Variants in RUNX1 observed in about 807,000 individuals in gnomAD.
The protein encoded by RUNX1 is runt-related transcription factor 1.
In RUNX1, 19 loss-of-function variants were observed where a neutral mutation model predicts 42.8. The ratio of observed to expected loss-of-function variants is 0.44; its 90% CI spans 0.31 to 0.65. The LOEUF (loss-of-function observed/expected upper bound fraction) is 0.65. Among genes scored for constraint, RUNX1 ranks in the 30% least tolerant of loss-of-function variants. The pLI, the probability that RUNX1 is intolerant of heterozygous loss-of-function variation, is 0.07. For synonymous variants in RUNX1, 271 were observed against 289.4 expected, an observed-to-expected ratio of 0.94 and a Z score of 0.64; for missense variants, 528 against 672.0, an observed-to-expected ratio of 0.79 and a Z score of 2.37.
chr21:34,993,774 CACAG>C (rs1448353575), intron 2 of RUNX1, among the ~76,000 whole-genome samples: 1 of 136,476 alleles, frequency 7.3e-6, no homozygotes, highest in Non-Finnish European at 1.5e-5. Context: ...GGCGCACACA[CACAG>C]ACACACACAC....
intron 2 of RUNX1, among the ~76,000 whole-genome samples, chr21:34,896,507 AC>A (rs2058131402): frequency 6.6e-6 from 1 of 152,086 alleles, no homozygotes; most frequent in African/African-American, 2.4e-5. Flanking sequence ...ACATGGTAAA[AC>A]CCTGTCTCTA....
chr21:34,858,160 A>G (rs773219066), intron 6 of RUNX1, among the ~76,000 whole-genome samples: 5 of 152,214 alleles, frequency 3.3e-5, no homozygotes, highest in Non-Finnish European at 7.3e-5. Flanking sequence ...AAGTTGATGC[A>G]GCTTGGGGAA....
intron 2 of RUNX1, among the ~76,000 whole-genome samples, chr21:35,040,580 TG>T: frequency 6.6e-6 from 1 of 151,940 alleles, no homozygotes; most frequent in East Asian, 1.9e-4. Context: ...GAAACCATCC[TG>T]GCCAACATGG....
chr21:34,897,353 T>G (rs2058138928), intron 2 of RUNX1, among the ~76,000 whole-genome samples: 1 of 152,232 alleles, frequency 6.6e-6, no homozygotes, highest in Non-Finnish European at 1.5e-5. Context: ...CAGATTAGTC[T>G]CCTGCACCAT....
At chr21:34,803,926 G>A (rs1439052220) in intron 7 of RUNX1, among the ~76,000 whole-genome samples, 2 of 152,172 alleles carry the variant, frequency 1.3e-5, no homozygotes, top group African/African-American at 4.8e-5. Context: ...AGAATGTCCT[G>A]TTGCTTCTAG....
chr21:35,009,477 C>T (rs1022107529), intron 2 of RUNX1, among the ~76,000 whole-genome samples: 19 of 152,116 alleles, frequency 1.2e-4, no homozygotes, highest in African/African-American at 3.9e-4. Context: ...AATTACACTC[C>T]GGTCAATGCA....
intron 5 of RUNX1, among the ~76,000 whole-genome samples, chr21:34,863,436 C>T (rs1355015544): frequency 6.6e-6 from 1 of 152,154 alleles, no homozygotes; most frequent in African/African-American, 2.4e-5. Context: ...GCACTCATGA[C>T]ACCCCATCTG....
chr21:34,936,993 C>T (rs1372168758), intron 2 of RUNX1, among the ~76,000 whole-genome samples: 1 of 152,066 alleles, frequency 6.6e-6, no homozygotes, highest in Non-Finnish European at 1.5e-5. Flanking sequence ...CTGCACAGAA[C>T]AGACAGAGGG....
chr21:34,943,143 G>A (rs1390131282), intron 2 of RUNX1, among the ~76,000 whole-genome samples: 2 of 152,212 alleles, frequency 1.3e-5, no homozygotes, highest in African/African-American at 4.8e-5. Context: ...GCTTCTGAAG[G>A]AAACAAGCAC....
chr21:34,918,070 GTGA>G (rs1475315208), intron 2 of RUNX1, among the ~76,000 whole-genome samples: 7 of 146,952 alleles, frequency 4.8e-5, no homozygotes, highest in Non-Finnish European at 8.9e-5. Context: ...GGAGATTGCA[GTGA>G]GCTGAGATTG....
chr21:34,800,552 A>G (rs2056593753), intron 7 of RUNX1, among the ~76,000 whole-genome samples: 1 of 152,228 alleles, frequency 6.6e-6, no homozygotes, highest in Admixed American at 6.5e-5. Context: ...AATACTGGGT[A>G]TAAGTTTTGT....
At chr21:34,960,860 G>A (rs1035149912) in intron 2 of RUNX1, among the ~76,000 whole-genome samples, 2 of 152,140 alleles carry the variant, frequency 1.3e-5, no homozygotes, top group Non-Finnish European at 2.9e-5. Context: ...AATGTCTTGG[G>A]GTGAATGACA....
intron 7 of RUNX1, among the ~76,000 whole-genome samples, chr21:34,810,096 G>A (rs1191527321): frequency 6.6e-6 from 1 of 152,222 alleles, no homozygotes; most frequent in East Asian, 1.9e-4. Flanking sequence ...GAGGGGGCAT[G>A]GAGCAGTGAT....
chr21:34,983,120 A>G (rs1021601289), intron 2 of RUNX1, among the ~76,000 whole-genome samples: 3 of 152,242 alleles, frequency 2.0e-5, no homozygotes, highest in African/African-American at 7.2e-5. Flanking sequence ...GTTGTTAACC[A>G]GCAAGCGCAT....
At chr21:35,021,710 G>A (rs900170119) in intron 2 of RUNX1, among the ~76,000 whole-genome samples, 5 of 152,186 alleles carry the variant, frequency 3.3e-5, no homozygotes, top group Admixed American at 1.3e-4. Context: ...CAGCCACAGG[G>A]GCCTGCGCTG....
In RUNX1 at chr21:34,789,375, AAAAG is replaced by A. The variant is rs747505132; in HGVS notation, c.*2756_*2759del. On this transcript the variant is annotated 3_prime_UTR_variant, in exon 9 of 9. Transcript: ENST00000675419. Reference sequence around the variant, plus strand: ...GGAAATGTATTTTCAGATAGTGAGAAAAAGAAAGAACTGAAATATGTATCCATGT... The same window carrying A: ...GGAAATGTATTTTCAGATAGTGAGAAAAAGAACTGAAATATGTATCCATGT... The A allele has an allele frequency of 4.3e-6, 1 of 233,650 alleles. No individual in the cohort carries two copies. The allele number at this position is 233,650 out of a possible 1,614,324, so 14.5% of individuals were successfully genotyped here. A position where few individuals can be genotyped will look rare whatever the true frequency, so the allele number is the denominator to read the frequency against.
intron 6 of RUNX1, among the ~76,000 whole-genome samples, chr21:34,857,249 A>G (rs1047362976): frequency 6.6e-6 from 1 of 152,210 alleles, no homozygotes; most frequent in Non-Finnish European, 1.5e-5. Flanking sequence ...CTGTCTGCTC[A>G]GAGGGTGCTT....
intron 2 of RUNX1, among the ~76,000 whole-genome samples, chr21:34,934,778 G>C (rs1488407159): frequency 6.6e-6 from 1 of 152,158 alleles, no homozygotes; most frequent in African/African-American, 2.4e-5. Context: ...GTAATGAAAA[G>C]AGGCCATGAG....
intron 2 of RUNX1, among the ~76,000 whole-genome samples, chr21:34,995,874 C>T (rs1252314278): frequency 6.6e-6 from 1 of 152,166 alleles, no homozygotes. Flanking sequence ...TCTCCTCTGC[C>T]TCTTCGAATG....
Sources: gnomAD v4.1 joint callset for allele counts (sites outside exome capture counted in the v4.1 genomes callset) on GRCh38, gnomAD v4.1.1 for gene constraint, MANE v1.5 for transcripts, NCBI Gene and HGNC (gene_info 2026-07-23, HGNC 2026-07-21) for gene names.